Variants in ZNF609 observed in about 807,000 individuals in gnomAD.
ZNF609 encodes the protein zinc finger protein 609.
ZNF609 carries 11 observed loss-of-function variants against 109.5 expected under a neutral mutation model. The observed-to-expected ratio is 0.10, with a 90% CI of 0.06 to 0.17. ZNF609 has a LOEUF of 0.17. Ranked by LOEUF, ZNF609 falls within the 10% of genes least tolerant of loss-of-function variation. ZNF609 has a pLI of 1.00. For synonymous variants in ZNF609, 646 were observed against 662.0 expected (o/e 0.98, Z 0.37); for missense variants, 1,559 against 1,772.4 (o/e 0.88, Z 2.16).
intron 3 of ZNF609, among the ~76,000 whole-genome samples, chr15:64,645,641 A>G (rs1484478649): frequency 1.3e-5 from 2 of 152,194 alleles, no homozygotes; most frequent in Non-Finnish European, 2.9e-5. Context: ...GTATCTGATA[A>G]GTGATTAATA....
intron 2 of ZNF609, among the ~76,000 whole-genome samples, chr15:64,583,043 G>A (rs956591909): frequency 6.7e-6 from 1 of 150,352 alleles, no homozygotes; most frequent in Non-Finnish European, 1.5e-5. Flanking sequence ...GAGCCACCAC[G>A]CCGGGCCAAG....
intron 3 of ZNF609, among the ~76,000 whole-genome samples, chr15:64,644,974 TC>T (rs1896309009): frequency 7.2e-6 from 1 of 139,542 alleles, no homozygotes; most frequent in African/African-American, 3.2e-5. Flanking sequence ...TTTTCTTCTT[TC>T]TTTCTTTTTC....
Position 64,511,301 on chromosome 15 carries a change from A to G in ZNF609, c.747+11135A>G, listed in dbSNP as rs141240184. On this transcript the variant is annotated intron_variant, in intron 2 of 9. Coordinates refer to ENST00000326648, the MANE Select transcript of ZNF609 (RefSeq NM_015042.2). Reference sequence around the variant, plus strand: ...AGCCTGGCCAACATGGTGAAACTCTATCACTACTAAAAATACAAAAATTTA... The same window carrying G: ...AGCCTGGCCAACATGGTGAAACTCTGTCACTACTAAAAATACAAAAATTTA... 7.9e-5 allele frequency among the ~76,000 whole-genome samples: 12 copies of G among 151,936 alleles called. No homozygotes were observed. In the East Asian group the frequency reaches 2.1e-3, roughly 27 times the overall value.
At chr15:64,489,408 C>G (rs1408182364) in intron 1 of ZNF609, among the ~76,000 whole-genome samples, 4 of 151,670 alleles carry the variant, frequency 2.6e-5, no homozygotes, top group African/African-American at 9.7e-5. Flanking sequence ...TCTTGAACTC[C>G]TGACCTTGTG....
intron 2 of ZNF609, among the ~76,000 whole-genome samples, chr15:64,536,733 C>G (rs549907139): frequency 1.4e-5 from 2 of 146,882 alleles, no homozygotes; most frequent in South Asian, 2.2e-4. Context: ...ACCCCCCCCC[C>G]CAAAAAAAAA....
At chr15:64,580,796 G>T (rs1895087958) in intron 2 of ZNF609, among the ~76,000 whole-genome samples, 1 of 151,762 alleles carries the variant, frequency 6.6e-6, no homozygotes, top group Non-Finnish European at 1.5e-5. Flanking sequence ...GCCTCCCAAA[G>T]TGCTAGGATG....
intron 5 of ZNF609, among the ~76,000 whole-genome samples, chr15:64,677,051 C>T (rs994988094): frequency 2.0e-5 from 3 of 151,816 alleles, no homozygotes; most frequent in Admixed American, 6.6e-5. Context: ...TGCGCCCAGT[C>T]GTAATTTTTT....
chr15:64,536,177 C>T (rs1894139896), intron 2 of ZNF609, among the ~76,000 whole-genome samples: 1 of 152,114 alleles, frequency 6.6e-6, no homozygotes, highest in African/African-American at 2.4e-5. Context: ...CATGCCACTA[C>T]ACCTGGCTAA....
chr15:64,662,959 G>A (rs1896600976), intron 3 of ZNF609, among the ~76,000 whole-genome samples: 1 of 152,146 alleles, frequency 6.6e-6, no homozygotes, highest in South Asian at 2.1e-4. Context: ...GAGCCACCGT[G>A]CTTGGCTAAC....
intron 3 of ZNF609, among the ~76,000 whole-genome samples, chr15:64,635,413 C>T (rs1276516606): frequency 6.6e-6 from 1 of 152,074 alleles, no homozygotes; most frequent in Non-Finnish European, 1.5e-5. Flanking sequence ...TATTTGAGAG[C>T]CTTGGTGTTT....
intron 2 of ZNF609, among the ~76,000 whole-genome samples, chr15:64,558,614 C>T (rs1894627837): frequency 6.6e-6 from 1 of 152,134 alleles, no homozygotes; most frequent in African/African-American, 2.4e-5. Context: ...ATTCCTGTGC[C>T]TCCCTTGCCA....
At chr15:64,547,275 A>G (rs1319131266) in intron 2 of ZNF609, among the ~76,000 whole-genome samples, 2 of 152,180 alleles carry the variant, frequency 1.3e-5, no homozygotes, top group Admixed American at 6.5e-5. Flanking sequence ...TCATGGTGTT[A>G]ATATTGGACT....
chr15:64,571,709 G>T (rs889105704), intron 2 of ZNF609, among the ~76,000 whole-genome samples: 2 of 151,978 alleles, frequency 1.3e-5, no homozygotes, highest in African/African-American at 2.4e-5. Context: ...ACCCAGGATC[G>T]CCCAGGCTGG....
chr15:64,467,343 C>T (rs1057191707), intron 1 of ZNF609, among the ~76,000 whole-genome samples: 4 of 152,198 alleles, frequency 2.6e-5, no homozygotes, highest in African/African-American at 9.6e-5. Context: ...TTCCTCCCAG[C>T]AATATCTCTA....
intron 2 of ZNF609, among the ~76,000 whole-genome samples, chr15:64,559,553 A>C (rs1335686222): frequency 2.0e-5 from 3 of 152,224 alleles, no homozygotes; most frequent in Non-Finnish European, 4.4e-5. Context: ...TCTGTGTACC[A>C]GGTTCTGTGA....
intron 2 of ZNF609, among the ~76,000 whole-genome samples, chr15:64,533,963 C>A (rs1351961367): frequency 6.6e-6 from 1 of 151,482 alleles, no homozygotes; most frequent in Non-Finnish European, 1.5e-5. Context: ...TTCCACACCA[C>A]TGTCAAGATT....
At chr15:64,492,407 T>A (rs1235139493) in intron 1 of ZNF609, among the ~76,000 whole-genome samples, 4 of 152,212 alleles carry the variant, frequency 2.6e-5, no homozygotes, top group African/African-American at 7.2e-5. Context: ...AAAAATTTTT[T>A]AAACATTTTC....
intron 2 of ZNF609, among the ~76,000 whole-genome samples, chr15:64,601,557 G>C (rs1445404807): frequency 6.6e-6 from 1 of 152,212 alleles, no homozygotes. Flanking sequence ...TGCTTAAGCA[G>C]AGGACTACTA....
chr15:64,475,870 G>T (rs72741346), intron 1 of ZNF609, among the ~76,000 whole-genome samples: 35 of 152,222 alleles, frequency 2.3e-4, no homozygotes, highest in South Asian at 1.2e-3. Flanking sequence ...CTTGAAAAAA[G>T]AAATTGTGAT....
Sources: gnomAD v4.1 joint callset for allele counts (sites outside exome capture counted in the v4.1 genomes callset) on GRCh38, gnomAD v4.1.1 for gene constraint, MANE v1.5 for transcripts, NCBI Gene and HGNC (gene_info 2026-07-23, HGNC 2026-07-21) for gene names.